Variants in MMP16 observed in about 807,000 individuals in gnomAD.
MMP16 encodes matrix metalloproteinase-16.
A neutral mutation model predicts 67.8 loss-of-function variants in MMP16; 12 were observed. The ratio of observed to expected loss-of-function variants is 0.18; its 90% CI spans 0.11 to 0.29. MMP16 has a LOEUF of 0.29. Ranked by LOEUF, MMP16 falls within the 10% of genes least tolerant of loss-of-function variation. The pLI, the probability that MMP16 is intolerant of heterozygous loss-of-function variation, is 1.00. For missense variants in MMP16, 475 were observed against 765.7 expected (o/e 0.62, Z 4.48); for synonymous variants, 249 against 255.9 (o/e 0.97, Z 0.26).
chr8:88,320,352 T>A (rs1811439814), intron 1 of MMP16, among the ~76,000 whole-genome samples: 1 of 152,180 alleles, frequency 6.6e-6, no homozygotes, highest in African/African-American at 2.4e-5. Context: ...ATTCCACCTC[T>A]AATCTATAAA....
rs1394779534 is a variant in MMP16 at position 88,090,142 on chromosome 8, AT to A, written c.1084-15400del. ...TATATGAAGGGAGAAATATATTCCA[AT>A]TTTTTGCAAGGTTTTAGAATTTTTC... On this transcript the variant is annotated intron_variant, in intron 6 of 9. Coordinates refer to ENST00000286614, the MANE Select transcript of MMP16 (RefSeq NM_005941.5). 3.9e-5 allele frequency among the ~76,000 whole-genome samples: 6 copies of A among 151,968 alleles called. No individual in the cohort carries two copies. In the South Asian group the frequency reaches 1.0e-3, roughly 26 times the overall value.
At chr8:88,158,766 C>T (rs998337657) in intron 4 of MMP16, among the ~76,000 whole-genome samples, 3 of 152,106 alleles carry the variant, frequency 2.0e-5, no homozygotes, top group African/African-American at 7.2e-5. Context: ...ATGGTATTGC[C>T]TAGGTTTTCT....
chr8:88,317,774 T>C (rs1197578896), intron 1 of MMP16, among the ~76,000 whole-genome samples: 5 of 152,168 alleles, frequency 3.3e-5, no homozygotes, highest in African/African-American at 7.2e-5. Context: ...AAGAACAATC[T>C]TAGGGCCTGA....
At chr8:88,046,328 C>A (rs374074776) in intron 9 of MMP16, among the ~76,000 whole-genome samples, 2 of 152,176 alleles carry the variant, frequency 1.3e-5, no homozygotes, top group East Asian at 1.9e-4. Context: ...CTCTATCTTC[C>A]TTGTGACCGG....
intron 1 of MMP16, among the ~76,000 whole-genome samples, chr8:88,221,414 C>A (rs1809680766): frequency 1.3e-5 from 2 of 151,922 alleles, no homozygotes; most frequent in Non-Finnish European, 2.9e-5. Context: ...TCCGTATGCA[C>A]CAAGGATCAC....
chr8:88,261,514 G>A (rs1810388345), intron 1 of MMP16, among the ~76,000 whole-genome samples: 1 of 151,670 alleles, frequency 6.6e-6, no homozygotes, highest in Non-Finnish European at 1.5e-5. Flanking sequence ...TAGTATAATC[G>A]ATGTTTCTCT....
chr8:88,178,821 T>C (rs907987682), intron 3 of MMP16, among the ~76,000 whole-genome samples: 2 of 152,138 alleles, frequency 1.3e-5, no homozygotes, highest in Non-Finnish European at 2.9e-5. Flanking sequence ...TCTGTATTTC[T>C]GGGTGTTATT....
At chr8:88,310,944 A>G (rs28907899) in intron 1 of MMP16, among the ~76,000 whole-genome samples, 6 of 152,136 alleles carry the variant, frequency 3.9e-5, no homozygotes, top group African/African-American at 1.4e-4. Flanking sequence ...AAGTTTTATC[A>G]ATTAATAAGG....
At chr8:88,250,308 C>T (rs1519936) in intron 1 of MMP16, among the ~76,000 whole-genome samples, 146,954 of 152,138 alleles carry the variant, frequency 0.97, 71,196 homozygotes, top group East Asian at 1. Context: ...CGGGTGGGCA[C>T]AGGAATCATG....
intron 1 of MMP16, among the ~76,000 whole-genome samples, chr8:88,291,892 C>T (rs1810930769): frequency 1.3e-5 from 2 of 152,068 alleles, no homozygotes; most frequent in South Asian, 4.1e-4. Context: ...GCTTTGTAAG[C>T]ATTATCTGTA....
chr8:88,099,463 A>G (rs1004888431), intron 6 of MMP16, among the ~76,000 whole-genome samples: 1 of 151,872 alleles, frequency 6.6e-6, no homozygotes, highest in Admixed American at 6.6e-5. Context: ...ATGTATACCA[A>G]TGATGACAAT....
chr8:88,094,841 G>A (rs1808998904), intron 6 of MMP16, among the ~76,000 whole-genome samples: 1 of 151,794 alleles, frequency 6.6e-6, no homozygotes, highest in Admixed American at 6.6e-5. Flanking sequence ...TACTCTGTGT[G>A]TTATGTAAAG....
intron 2 of MMP16, 148 bp downstream of exon 2, chr8:88,197,010 G>C (rs1189282660): frequency 1.5e-6 from 1 of 684,540 alleles, no homozygotes; most frequent in Non-Finnish European, 2.3e-6. Context: ...TATTGGAGGA[G>C]TGGGGTTAAA....
At chr8:88,123,522 G>GCCAGAGAA (rs1807876374) in intron 4 of MMP16, among the ~76,000 whole-genome samples, 1 of 151,692 alleles carries the variant, frequency 6.6e-6, no homozygotes, top group South Asian at 2.1e-4. Flanking sequence ...CGTGGTTCCT[G>GCCAGAGAA]CCAGAGAACC....
chr8:88,046,876 A>T, intron 8 of MMP16, 92 bp from the exon 9 acceptor site: 1 of 756,546 alleles, frequency 1.3e-6, no homozygotes, highest in South Asian at 2.1e-5. Context: ...CATTTATTAG[A>T]CCTTTGCTGT....
chr8:88,186,405 C>T, intron 3 of MMP16, 71 bp downstream of exon 3: 1 of 1,585,886 alleles, frequency 6.3e-7, no homozygotes. Flanking sequence ...GCAGAAGATA[C>T]TAAACTATGT....
intron 4 of MMP16, among the ~76,000 whole-genome samples, chr8:88,160,357 A>G (rs1586182126): frequency 6.6e-6 from 1 of 152,016 alleles, no homozygotes; most frequent in East Asian, 1.9e-4. Flanking sequence ...ACATTTTCTT[A>G]ATCCAGTCTA....
chr8:88,139,094 C>T (rs1022282397), intron 4 of MMP16, among the ~76,000 whole-genome samples: 18 of 152,282 alleles, frequency 1.2e-4, no homozygotes, highest in Non-Finnish European at 2.4e-4. Context: ...TCTTCACTTA[C>T]AGCTGATTGT....
intron 1 of MMP16, among the ~76,000 whole-genome samples, chr8:88,306,851 TC>T (rs749782135): frequency 1.4e-4 from 22 of 152,242 alleles, no homozygotes; most frequent in Non-Finnish European, 3.2e-4. Flanking sequence ...CTGGAAGCAT[TC>T]CCCTTGAAAA....
Sources: gnomAD v4.1 joint callset for allele counts (sites outside exome capture counted in the v4.1 genomes callset) on GRCh38, gnomAD v4.1.1 for gene constraint, MANE v1.5 for transcripts, NCBI Gene and HGNC (gene_info 2026-07-23, HGNC 2026-07-21) for gene names.